Variants in DCHS2 observed in about 807,000 individuals in gnomAD.
DCHS2 encodes protocadherin-23.
DCHS2 carries 142 observed loss-of-function variants against 182.4 expected under a neutral mutation model. The ratio of observed to expected loss-of-function variants is 0.78; its 90% CI spans 0.68 to 0.89. DCHS2 has a LOEUF of 0.89. Ranked by LOEUF, DCHS2 falls within the 40% of genes least tolerant of loss-of-function variation. The probability of loss-of-function intolerance (pLI) is 0.00; values close to 1 mark genes in which losing one functional copy is unlikely to be tolerated. For missense variants in DCHS2, 4,319 were observed against 4,198.6 expected (o/e 1.03, Z -0.79); for synonymous variants, 1,740 against 1,663.3 (o/e 1.05, Z -1.12).
At chr4:154,340,773 A>G (rs780124219) in intron 3 of DCHS2, among the ~76,000 whole-genome samples, 7 of 152,262 alleles carry the variant, frequency 4.6e-5, no homozygotes, top group Non-Finnish European at 1.0e-4. Flanking sequence ...GACATCAATT[A>G]TAGAGAGTTA....
At chr4:154,476,037 A>G (rs185565421) in intron 1 of DCHS2, among the ~76,000 whole-genome samples, 10 of 152,330 alleles carry the variant, frequency 6.6e-5, no homozygotes, top group African/African-American at 2.4e-4. Context: ...CATTTCTCCA[A>G]AAACAAGAGG....
intron 14 of DCHS2, chr4:154,261,585 G>A (rs1043410737): frequency 6.6e-6 from 1 of 152,048 alleles, no homozygotes; most frequent in African/African-American, 2.4e-5. Flanking sequence ...AGGTCATCTG[G>A]CACCTACTTG....
intron 2 of DCHS2, among the ~76,000 whole-genome samples, chr4:154,374,813 G>C (rs1161580281): frequency 6.6e-6 from 1 of 151,978 alleles, no homozygotes; most frequent in Non-Finnish European, 1.5e-5. Flanking sequence ...AAACAAGGAA[G>C]GTCTTCAAAA....
intron 1 of DCHS2, among the ~76,000 whole-genome samples, chr4:154,449,088 A>G (rs997222446): frequency 2.0e-5 from 3 of 152,184 alleles, no homozygotes; most frequent in Admixed American, 6.5e-5. Flanking sequence ...ACCAAAAATA[A>G]AAGGTAGATT....
chr4:154,462,680 G>A (rs922157253), intron 1 of DCHS2, among the ~76,000 whole-genome samples: 6 of 152,178 alleles, frequency 3.9e-5, no homozygotes, highest in Non-Finnish European at 7.3e-5. Context: ...GTTGCTTAGG[G>A]AGATTTAGCA....
chr4:154,379,560 A>T (rs990952596), intron 1 of DCHS2, among the ~76,000 whole-genome samples: 3 of 152,178 alleles, frequency 2.0e-5, no homozygotes, highest in Non-Finnish European at 2.9e-5. Flanking sequence ...TCTACTATAG[A>T]TTTAGTTTTG....
chr4:154,316,038 A>C (rs1400691499), intron 9 of DCHS2, 51 bp from the exon 10 acceptor site: 1 of 1,601,284 alleles, frequency 6.2e-7, no homozygotes, highest in Non-Finnish European at 8.5e-7. Flanking sequence ...TCTTTAGAGA[A>C]GTCATGCTTA....
chr4:154,327,883 T>C (rs1344781253), intron 7 of DCHS2, among the ~76,000 whole-genome samples: 1 of 151,848 alleles, frequency 6.6e-6, no homozygotes, highest in Non-Finnish European at 1.5e-5. Context: ...GCTACTCTGA[T>C]TTTTTATTAA....
chr4:154,269,304 T>C (rs1247937123), intron 14 of DCHS2: 1 of 152,320 alleles, frequency 6.6e-6, no homozygotes, highest in East Asian at 1.9e-4. Flanking sequence ...TTCTTGAAGT[T>C]TGACAACAAA....
At position 154,298,570 on chromosome 4, in the gene DCHS2, G is replaced by C; in HGVS notation, c.5744C>G (p.Ser1915Cys). 6.2e-7 allele frequency: 1 copy of C among 1,614,174 alleles called. No homozygotes were observed. The highest frequency in any genetic ancestry group is 8.5e-7 in the Non-Finnish European group (1 of 1,180,000). ...AACTCTAACTTGCAGGTGTATTACA[G>C]AGCTCCTAGGTGGATCTCCCAGGTC... The part of the protein sequence containing the change: ...CSDLGDPPRS[S>C]VIHLQVRVLD... The change falls in exon 13 of 20, where the codon TCT (serine) becomes TGT (cysteine). Residue 1915 changes from serine to cysteine, a missense_variant. Coordinates refer to ENST00000357232, the MANE Select transcript of DCHS2 (RefSeq NM_001358235.2).
chr4:154,419,065 C>CAAAAAAAAAA (rs1560747126), intron 1 of DCHS2, among the ~76,000 whole-genome samples: 168 of 152,294 alleles, frequency 1.1e-3, no homozygotes, highest in African/African-American at 3.8e-3. Flanking sequence ...GTAATAGCTA[C>CAAAAAAAAAA]AAAAATAGGC....
intron 7 of DCHS2, among the ~76,000 whole-genome samples, chr4:154,325,860 G>A (rs1736261669): frequency 6.6e-6 from 1 of 152,208 alleles, no homozygotes; most frequent in Admixed American, 6.5e-5. Flanking sequence ...CCAAGGAAAA[G>A]CAATGCAATG....
intron 1 of DCHS2, among the ~76,000 whole-genome samples, chr4:154,404,753 T>C (rs1005992742): frequency 6.6e-6 from 1 of 152,256 alleles, no homozygotes; most frequent in African/African-American, 2.4e-5. Context: ...ATTGACCTTT[T>C]ATGGTTATGA....
chr4:154,401,050 C>A (rs543879891), intron 1 of DCHS2, among the ~76,000 whole-genome samples: 1 of 152,346 alleles, frequency 6.6e-6, no homozygotes, highest in East Asian at 1.9e-4. Flanking sequence ...CAGAAGGCTT[C>A]CTTGTTCCTC....
intron 1 of DCHS2, among the ~76,000 whole-genome samples, chr4:154,454,820 G>T (rs755132475): frequency 2.6e-5 from 4 of 152,202 alleles, no homozygotes; most frequent in Admixed American, 1.3e-4. Flanking sequence ...AATCTGAGCT[G>T]CAGTGAAAAC....
intron 1 of DCHS2, among the ~76,000 whole-genome samples, chr4:154,444,490 G>A (rs1734180261): frequency 1.3e-5 from 2 of 152,088 alleles, no homozygotes; most frequent in African/African-American, 4.8e-5. Flanking sequence ...TCCACAATGA[G>A]AACATATCCT....
At chr4:154,445,916 A>G (rs1025553799) in intron 1 of DCHS2, among the ~76,000 whole-genome samples, 11 of 152,186 alleles carry the variant, frequency 7.2e-5, no homozygotes, top group Non-Finnish European at 1.6e-4. Context: ...AATCCTCATT[A>G]TAAGAATGCA....
intron 14 of DCHS2, 126 bp downstream of exon 14, chr4:154,269,774 T>TG (rs1733482402): frequency 2.6e-5 from 29 of 1,107,600 alleles, no homozygotes; most frequent in Non-Finnish European, 3.5e-5. Context: ...ATAGGCTAGC[T>TG]TAAAAAATTC....
chr4:154,384,020 C>A (rs1054480594), intron 1 of DCHS2, among the ~76,000 whole-genome samples: 11 of 152,072 alleles, frequency 7.2e-5, no homozygotes, highest in Non-Finnish European at 1.6e-4. Flanking sequence ...GTTATTAACA[C>A]AACACACACA....
Sources: allele counts gnomAD v4.1 joint callset (sites outside exome capture counted in the v4.1 genomes callset), GRCh38; gene constraint gnomAD v4.1.1; transcripts MANE v1.5; gene names NCBI Gene and HGNC (gene_info 2026-07-23, HGNC 2026-07-21).